Variants in NRG4 observed in about 807,000 individuals in gnomAD.
The protein encoded by NRG4 is pro-neuregulin-4, membrane-bound isoform.
Under a neutral mutation model 15.0 loss-of-function variants are expected in NRG4, and 10 were observed. The observed-to-expected ratio is 0.67, with a 90% CI of 0.41 to 1.13. The LOEUF (loss-of-function observed/expected upper bound fraction) is 1.13. NRG4 is among the 50% of genes most tolerant of loss of function. NRG4 has a pLI of 0.00. For synonymous variants in NRG4, 41 were observed against 50.1 expected, an observed-to-expected ratio of 0.82 and a Z score of 0.77; for missense variants, 139 against 140.2, an observed-to-expected ratio of 0.99 and a Z score of 0.04.
chr15:75,968,224 G>T (rs990256207), intron 3 of NRG4, among the ~76,000 whole-genome samples: 2 of 152,008 alleles, frequency 1.3e-5, no homozygotes, highest in Non-Finnish European at 2.9e-5. Context: ...TAACAAAATC[G>T]AGTCTTTACT....
At position 75,942,581 on chromosome 15, in the gene NRG4, T is replaced by C. The variant is rs1006649548; in HGVS notation, c.*1057A>G. Reference sequence around the variant, plus strand: ...CTCATGTGTTTGTGAAATGAGTGAATGATGGGTGATGAATGAATTGGTGAC... The same window carrying C: ...CTCATGTGTTTGTGAAATGAGTGAACGATGGGTGATGAATGAATTGGTGAC... On this transcript the variant is annotated 3_prime_UTR_variant, in exon 6 of 6. Transcript: ENST00000394907. The C allele has an allele frequency of 2.6e-5, 4 of 152,228 alleles. No individual in the cohort carries two copies. Among genetic ancestry groups the C allele is most frequent in the African/African-American group, 9.6e-5 (4 of 41,458 alleles). 9.4% of individuals were successfully genotyped at this position (152,228 alleles called of 1,614,324 possible).
In NRG4 at chr15:75,978,372, C is replaced by T. The variant is rs192489510; in HGVS notation, c.105-16398G>A. Among the ~76,000 whole-genome samples the T allele has an allele frequency of 1.4e-3, 208 of 152,204 alleles. No homozygotes were observed. The East Asian group carries it at 0.026, about 19-fold the overall frequency. On this transcript the variant is annotated intron_variant, in intron 3 of 5. Transcript: ENST00000394907. ...GCTCCATTCATGTTGCTGCACATGA[C>T]GGGACTTCATTTTTTTTATGGCTGA... is the stretch of plus-strand genomic sequence containing the variant.
intron 3 of NRG4, among the ~76,000 whole-genome samples, chr15:75,992,916 C>CTT (rs199501046): frequency 1.7e-3 from 249 of 144,724 alleles, no homozygotes; most frequent in African/African-American, 5.5e-3. Flanking sequence ...TTGATGGACA[C>CTT]TTTTTTTTTT....
At chr15:76,001,045 G>A (rs2034394664) in intron 3 of NRG4, among the ~76,000 whole-genome samples, 1 of 151,984 alleles carries the variant, frequency 6.6e-6, no homozygotes, top group South Asian at 2.1e-4. Flanking sequence ...GGAGTACAGT[G>A]GCATGATCAT....
chr15:75,956,025 GGA>G lies in NRG4; in HGVS notation c.252-16_252-15del. The G allele has an allele frequency of 6.6e-7, 1 of 1,509,984 alleles. No homozygotes were observed. The highest frequency in any genetic ancestry group is 1.4e-5 in the African/African-American group (1 of 72,834). The allele number at this position is 1,509,984 out of a possible 1,614,324, so 93.5% of individuals were successfully genotyped here. On this transcript the variant is annotated splice_polypyrimidine_tract_variant and intron_variant, in intron 4 of 5. Transcript: ENST00000394907. ...AAGTGGCCTTTCCTGACAATAAAGAGGAGAGAAACACAAAAATGGAAGTGTAA... is the reference window on the plus strand; with the variant it reads ...AAGTGGCCTTTCCTGACAATAAAGAGGAGAAACACAAAAATGGAAGTGTAA...
At chr15:75,985,122 G>A (rs529377321) in intron 3 of NRG4, among the ~76,000 whole-genome samples, 3 of 152,112 alleles carry the variant, frequency 2.0e-5, no homozygotes, top group Non-Finnish European at 4.4e-5. Flanking sequence ...TGGGATTACC[G>A]GCATGAGCCA....
chr15:76,011,641 G>A (rs1405129238), intron 1 of NRG4, among the ~76,000 whole-genome samples: 2 of 152,126 alleles, frequency 1.3e-5, no homozygotes, highest in Non-Finnish European at 2.9e-5. Context: ...GAGACAGTAA[G>A]TAAAACTGAA....
downstream of NRG4, chr15:75,936,572 G>A (rs2030357434): frequency 6.6e-6 from 1 of 151,962 alleles, no homozygotes; most frequent in East Asian, 1.9e-4. Context: ...TAATATTTTG[G>A]TATGGAAACT....
In NRG4 at chr15:75,942,583, A is replaced by G. The variant is rs1345615308; in HGVS notation, c.*1055T>C. The G allele has an allele frequency of 3.3e-5, 5 of 152,182 alleles. No individual in the cohort carries two copies. The highest frequency in any genetic ancestry group is 1.2e-4 in the African/African-American group (5 of 41,438). The allele number at this position is 152,182 out of a possible 1,614,324, so 9.4% of individuals were successfully genotyped here. A position where few individuals can be genotyped will look rare whatever the true frequency, so the allele number is the denominator to read the frequency against. On this transcript the variant is annotated 3_prime_UTR_variant, in exon 6 of 6. Coordinates refer to ENST00000394907, the MANE Select transcript of NRG4 (RefSeq NM_138573.4). ...CATGTGTTTGTGAAATGAGTGAATG[A>G]TGGGTGATGAATGAATTGGTGACAC... is the stretch of plus-strand genomic sequence containing the variant.
chr15:76,057,914 A>T (rs1436602785), intron 1 of NRG4, among the ~76,000 whole-genome samples: 3 of 151,838 alleles, frequency 2.0e-5, no homozygotes, highest in African/African-American at 7.2e-5. Context: ...AAGTCGCATG[A>T]ACCCGAATTC....
At chr15:75,997,970 A>G (rs1301276545) in intron 3 of NRG4, among the ~76,000 whole-genome samples, 5 of 152,228 alleles carry the variant, frequency 3.3e-5, no homozygotes, top group Admixed American at 6.5e-5. Context: ...CCTCTGCCAC[A>G]GGGCTGAATG....
At chr15:75,972,458 G>A (rs377051139) in intron 3 of NRG4, among the ~76,000 whole-genome samples, 1 of 152,166 alleles carries the variant, frequency 6.6e-6, no homozygotes, top group South Asian at 2.1e-4. Context: ...CTTACATCCC[G>A]AATGGTATTG....
chr15:76,021,741 T>C (rs574718322), intron 5 of NRG4, among the ~76,000 whole-genome samples: 13 of 152,360 alleles, frequency 8.5e-5, no homozygotes, highest in African/African-American at 2.6e-4. Context: ...CATATTGTGA[T>C]GATTTTGTGT....
At chr15:75,971,487 T>G (rs918660987) in intron 3 of NRG4, among the ~76,000 whole-genome samples, 2 of 152,236 alleles carry the variant, frequency 1.3e-5, no homozygotes, top group African/African-American at 4.8e-5. Context: ...TCTTGACTTG[T>G]GCCTAACTTG....
chr15:75,955,792 CAA>C (rs11341073), intron 5 of NRG4, 138 bp downstream of exon 5: 10,891 of 297,900 alleles, frequency 0.037, 6 homozygotes, highest in East Asian at 0.047. Flanking sequence ...GGTACCTGGC[CAA>C]AAAAAAAAAA....
At chr15:75,944,478 G>C (rs925924340) in intron 5 of NRG4, among the ~76,000 whole-genome samples, 1 of 152,130 alleles carries the variant, frequency 6.6e-6, no homozygotes, top group Admixed American at 6.5e-5. Flanking sequence ...GAATACATTG[G>C]AAAGATTGCC....
chr15:76,036,553 T>C (rs2035601325), intron 4 of NRG4, among the ~76,000 whole-genome samples: 1 of 152,200 alleles, frequency 6.6e-6, no homozygotes, highest in Non-Finnish European at 1.5e-5. Context: ...CACCCTATAA[T>C]GGGTGTGTGA....
chr15:75,939,651 A>G (rs926805152), downstream of NRG4: 1 of 152,190 alleles, frequency 6.6e-6, no homozygotes, highest in African/African-American at 2.4e-5. Context: ...ATACTAGGAA[A>G]CTGAATTTAG....
At chr15:75,966,242 G>T (rs1206004682) in intron 3 of NRG4, among the ~76,000 whole-genome samples, 2 of 152,166 alleles carry the variant, frequency 1.3e-5, no homozygotes, top group African/African-American at 4.8e-5. Flanking sequence ...AAATAACTCA[G>T]TTTTTAGTCA....
Sources: gnomAD v4.1 joint callset for allele counts (sites outside exome capture counted in the v4.1 genomes callset) on GRCh38, gnomAD v4.1.1 for gene constraint, MANE v1.5 for transcripts, NCBI Gene and HGNC (gene_info 2026-07-23, HGNC 2026-07-21) for gene names.